The following NXPH1 variants were observed in gnomAD, a reference collection of about 807,000 sequenced individuals.
NXPH1 encodes the protein neurexophilin 1.
A neutral mutation model predicts 23.7 loss-of-function variants in NXPH1; 5 were observed. The observed-to-expected ratio is 0.21, with a 90% confidence interval of 0.11 to 0.44. The LOEUF is 0.44. Ranked by LOEUF, NXPH1 falls within the 20% of genes least tolerant of loss-of-function variation. The pLI, the probability that NXPH1 is intolerant of heterozygous loss-of-function variation, is 0.99. For synonymous variants in NXPH1, 144 were observed against 122.2 expected, an observed-to-expected ratio of 1.18 and a Z score of -1.18; for missense variants, 324 against 321.6, an observed-to-expected ratio of 1.01 and a Z score of -0.06.
At chr7:8,712,098 CAT>C (rs1185010633) in intron 2 of NXPH1, among the ~76,000 whole-genome samples, 4 of 152,212 alleles carry the variant, frequency 2.6e-5, no homozygotes, top group African/African-American at 4.8e-5. Context: ...ATTTCACTGA[CAT>C]GTGCTAATGT....
intron 2 of NXPH1, among the ~76,000 whole-genome samples, chr7:8,470,674 T>C (rs1310785695): frequency 6.6e-6 from 1 of 152,172 alleles, no homozygotes; most frequent in Non-Finnish European, 1.5e-5. Flanking sequence ...TTAAGACTCT[T>C]GCTTAGGCAT....
intron 2 of NXPH1, among the ~76,000 whole-genome samples, chr7:8,649,026 A>G (rs1414763967): frequency 4.2e-5 from 3 of 71,622 alleles, no homozygotes; most frequent in Non-Finnish European, 9.1e-5. Context: ...ACTCTCCATT[A>G]CTTTTTTAGT....
intron 2 of NXPH1, among the ~76,000 whole-genome samples, chr7:8,709,942 T>A (rs1286829564): frequency 6.6e-6 from 1 of 152,206 alleles, no homozygotes; most frequent in African/African-American, 2.4e-5. Context: ...AGTGGCTGAA[T>A]AATTTTATGA....
chr7:8,535,086 A>G (rs908888070), intron 2 of NXPH1, among the ~76,000 whole-genome samples: 3 of 152,104 alleles, frequency 2.0e-5, no homozygotes, highest in Non-Finnish European at 2.9e-5. Context: ...GTGATTGACT[A>G]CTATCTTTCC....
intron 2 of NXPH1, among the ~76,000 whole-genome samples, chr7:8,577,320 A>G (rs1818773535): frequency 6.6e-6 from 1 of 152,190 alleles, no homozygotes. Flanking sequence ...CTGCATTCAG[A>G]AACCTGGGAA....
chr7:8,469,312 T>G (rs983656896), intron 2 of NXPH1, among the ~76,000 whole-genome samples: 1 of 152,076 alleles, frequency 6.6e-6, no homozygotes, highest in Non-Finnish European at 1.5e-5. Flanking sequence ...ATGGACTTTC[T>G]GTGATAATAG....
rs552216532 is a variant in NXPH1 at position 8,731,767 on chromosome 7, T to G, written c.55-19241T>G. 4.8e-4 allele frequency among the ~76,000 whole-genome samples: 73 copies of G among 152,378 alleles called. 2 individuals carry two copies. The South Asian group carries it at 0.013, about 27-fold the overall frequency. ...AAAGCTGTCAGACAGGGACATTTAA[T>G]TCTGCAGAGGTTACTGCTGTCTTTT... On this transcript the variant is annotated intron_variant, in intron 2 of 2. Coordinates refer to ENST00000405863, the MANE Select transcript of NXPH1 (RefSeq NM_152745.3).
intron 2 of NXPH1, among the ~76,000 whole-genome samples, chr7:8,592,932 G>A (rs542059441): frequency 6.6e-6 from 1 of 151,626 alleles, no homozygotes; most frequent in East Asian, 1.9e-4. Flanking sequence ...CCCAGGGGCT[G>A]TAATTTACCT....
At chr7:8,440,458 T>C (rs1816278973) in intron 2 of NXPH1, among the ~76,000 whole-genome samples, 1 of 152,212 alleles carries the variant, frequency 6.6e-6, no homozygotes. Context: ...CTGTGCGAAG[T>C]TGATTTCTAT....
rs189101333 is a variant in NXPH1, at chr7:8,629,471, G to A, written c.55-121537G>A. Among the ~76,000 whole-genome samples, 457 of 152,256 alleles carry A rather than the reference G, an allele frequency of 3.0e-3. 2 individuals carry two copies. Among genetic ancestry groups the A allele is most frequent in the African/African-American group, 9.9e-3 (410 of 41,572 alleles). On this transcript the variant is annotated intron_variant, in intron 2 of 2. Coordinates refer to ENST00000405863, the MANE Select transcript of NXPH1 (RefSeq NM_152745.3). ...GGAGGCTTATAATGACTTACATGCA[G>A]TTGGGGGAGATATTTCATTTAAAAT...
At chr7:8,547,708 A>G (rs1006449240) in intron 2 of NXPH1, among the ~76,000 whole-genome samples, 2 of 151,368 alleles carry the variant, frequency 1.3e-5, no homozygotes, top group Non-Finnish European at 3.0e-5. Context: ...ATGTCCAAGT[A>G]TACTCATTGT....
At chr7:8,444,158 A>G (rs376515479) in intron 2 of NXPH1, among the ~76,000 whole-genome samples, 16 of 152,232 alleles carry the variant, frequency 1.1e-4, no homozygotes, top group Admixed American at 5.2e-4. Context: ...ATAGGAGTCA[A>G]TCCTTTTCTT....
chr7:8,571,081 T>G (rs1818638454), intron 2 of NXPH1, among the ~76,000 whole-genome samples: 1 of 150,212 alleles, frequency 6.7e-6, no homozygotes, highest in East Asian at 2.0e-4. Context: ...CTAATCTAAC[T>G]CTGGTTAGAA....
chr7:8,709,393 A>G (rs545106115), intron 2 of NXPH1, among the ~76,000 whole-genome samples: 167 of 152,288 alleles, frequency 1.1e-3, no homozygotes, highest in African/African-American at 3.9e-3. Context: ...AAGAAATAAA[A>G]CCAAAATAAA....
intron 2 of NXPH1, among the ~76,000 whole-genome samples, chr7:8,663,325 A>T (rs980128378): frequency 6.6e-6 from 1 of 152,036 alleles, no homozygotes; most frequent in African/African-American, 2.4e-5. Flanking sequence ...TTGGAAGAGG[A>T]TGCACTTGAC....
At chr7:8,620,786 T>C (rs80145553) in intron 2 of NXPH1, among the ~76,000 whole-genome samples, 1 of 152,208 alleles carries the variant, frequency 6.6e-6, no homozygotes, top group Non-Finnish European at 1.5e-5. Flanking sequence ...TATTCTTTCA[T>C]AAATGGTTAA....
At chr7:8,662,179 T>TATATATATATACACAC (rs1225145362) in intron 2 of NXPH1, among the ~76,000 whole-genome samples, 1 of 73,200 alleles carries the variant, frequency 1.4e-5, no homozygotes, top group African/African-American at 4.2e-5. Context: ...TTTATATATA[T>TATATATATATACACAC]ATATATATAT....
chr7:8,499,306 A>C (rs1018336956), intron 2 of NXPH1, among the ~76,000 whole-genome samples: 1 of 152,078 alleles, frequency 6.6e-6, no homozygotes, highest in Non-Finnish European at 1.5e-5. Context: ...GGTGACCCCC[A>C]GCTGTGACAG....
At chr7:8,629,143 A>G (rs931732964) in intron 2 of NXPH1, among the ~76,000 whole-genome samples, 3 of 152,088 alleles carry the variant, frequency 2.0e-5, no homozygotes, top group African/African-American at 2.4e-5. Flanking sequence ...TAGATTATTT[A>G]CCCCCATTGT....
Sources: allele counts gnomAD v4.1 joint callset (sites outside exome capture counted in the v4.1 genomes callset), GRCh38; gene constraint gnomAD v4.1.1; transcripts MANE v1.5; gene names NCBI Gene and HGNC (gene_info 2026-07-23, HGNC 2026-07-21).